CMYA5: variants seen among roughly 807,000 people sequenced by gnomAD.
The protein encoded by CMYA5 is cardiomyopathy-associated protein 5.
A neutral mutation model predicts 318.9 loss-of-function variants in CMYA5; 246 were observed. The observed-to-expected ratio is 0.77, with a 90% CI of 0.70 to 0.86. The LOEUF (loss-of-function observed/expected upper bound fraction) is 0.86. Ranked by LOEUF, CMYA5 falls within the 40% of genes least tolerant of loss-of-function variation. The pLI is 0.00. For missense variants in CMYA5, 4,589 were observed against 4,678.2 expected, an observed-to-expected ratio of 0.98 and a Z score of 0.56; for synonymous variants, 1,641 against 1,729.5, an observed-to-expected ratio of 0.95 and a Z score of 1.27.
At position 79,799,032 on chromosome 5, in the gene CMYA5, A is replaced by C. The variant is rs56119263; in HGVS notation, c.11964-338A>C. 8.2e-3 allele frequency among the ~76,000 whole-genome samples: 1,245 copies of C among 152,346 alleles called. 9 individuals are homozygous for C. The highest frequency in any genetic ancestry group is 0.016 in the Admixed American group (238 of 15,304). On this transcript the variant is annotated intron_variant, in intron 12 of 12. Coordinates refer to ENST00000446378, the MANE Select transcript of CMYA5 (RefSeq NM_153610.5). The stretch of plus-strand genomic sequence containing the variant: ...GCAGCCTCAAAGGAGTTTTATTCAA[A>C]AGAATGACACGCCATGAATGCGGTA...
At chr5:79,769,483 G>T (rs936390462) in intron 9 of CMYA5, among the ~76,000 whole-genome samples, 3 of 152,232 alleles carry the variant, frequency 2.0e-5, no homozygotes, top group African/African-American at 7.2e-5. Flanking sequence ...TGGGGTTTCT[G>T]TGTGGACGTC....
At chr5:79,747,236 T>G (rs1828347440) in intron 5 of CMYA5, 123 bp downstream of exon 5, 1 of 882,878 alleles carries the variant, frequency 1.1e-6, no homozygotes, top group Non-Finnish European at 1.7e-6. Context: ...GCTACAGTAT[T>G]TTCACTTTTA....
rs571180385 is a variant in CMYA5 at position 79,741,718 on chromosome 5, A to G, written c.10639-2109A>G. On this transcript the variant is annotated intron_variant, in intron 2 of 12. Transcript: ENST00000446378. The stretch of plus-strand genomic sequence containing the variant: ...AGCACTGCCAGCAGAAAGAAGACTG[A>G]ATTTTTTTGGTCTTCTTAATATGTT... 3.3e-5 allele frequency among the ~76,000 whole-genome samples: 5 copies of G among 152,140 alleles called. No homozygotes were observed. The East Asian group carries it at 9.7e-4, about 30-fold the overall frequency.
At position 79,730,719 on chromosome 5, in the gene CMYA5, T is replaced by G. The variant is rs771985337; in HGVS notation, c.1954T>G (p.Ser652Ala). 124 of 1,613,634 alleles carry G rather than the reference T, an allele frequency of 7.7e-5. No individual in the cohort carries two copies. The highest frequency in any genetic ancestry group is 1.1e-4 in the East Asian group (5 of 44,868). The change falls in exon 2 of 13, where the codon TCT (serine) becomes GCT (alanine). Residue 652 changes from serine (S) to alanine (A), a missense_variant. Physicochemically the swap from Ser to Ala is moderately conservative, Grantham distance 99. Transcript: ENST00000446378. ...AGCTGCAGCCCCTACATCTGAGAGC[T>G]CTCTCTCACCATCCACAACTGAGAA... ...SPAAAPTSES[S>A]LSPSTTEKTS...
chr5:79,733,033 G>A lies in CMYA5; in HGVS notation c.4268G>A (p.Gly1423Asp), dbSNP rs1187048701. Residue 1423 changes from glycine (G) to aspartate (D), a missense_variant, in exon 2 of 13, where the codon GGT (glycine) becomes GAT (aspartate). This residue lies in a region of CMYA5 where 2,132 missense variants were observed against 2,131.3 expected (regional missense o/e 1.00). Transcript: ENST00000446378. ...GAAGAAGACAAGGTGGCAATTAAAG[G>A]TGCTTCTCCCATTGAAACTTCATCC... ...LAEEDKVAIK[G>D]ASPIETSSKH... is the part of the protein sequence containing the mutation. 1.9e-6 allele frequency: 3 copies of A among 1,613,344 alleles called. No individual in the cohort carries two copies. The highest frequency in any genetic ancestry group is 2.5e-6 in the Non-Finnish European group (3 of 1,179,628).
rs1828045956 is a variant in CMYA5 at position 79,735,719 on chromosome 5, A to G, written c.6954A>G (p.Gln2318=). 3.1e-6 allele frequency: 5 copies of G among 1,598,688 alleles called. No homozygotes were observed. The highest frequency in any genetic ancestry group is 2.2e-5 in the East Asian group (1 of 44,832). Residue 2318 remains glutamine, a synonymous_variant, in exon 2 of 13, where the codon CAA becomes CAG. Coordinates refer to ENST00000446378, the MANE Select transcript of CMYA5 (RefSeq NM_153610.5). ...TSADGENLEI[Q]SYSLIGEKLV... is the part of the protein sequence containing the mutation. Reference sequence around the variant, plus strand: ...CTGATGGTGAGAACCTTGAAATTCAATCTTATTCACTAATCGGTGAGAAAT... The same window carrying G: ...CTGATGGTGAGAACCTTGAAATTCAGTCTTATTCACTAATCGGTGAGAAAT...
At chr5:79,772,184 C>T (rs187118398) in intron 9 of CMYA5, among the ~76,000 whole-genome samples, 2 of 152,168 alleles carry the variant, frequency 1.3e-5, no homozygotes, top group African/African-American at 4.8e-5. Flanking sequence ...AAACATAAGG[C>T]TTGTCATTAG....
At chr5:79,705,642 A>G (rs1351305081) in intron 1 of CMYA5, among the ~76,000 whole-genome samples, 2 of 152,208 alleles carry the variant, frequency 1.3e-5, no homozygotes, top group African/African-American at 2.4e-5. Context: ...AAAGGTCTAT[A>G]TTGACCTAAC....
At chr5:79,785,018 CTT>C (rs75314718) in intron 9 of CMYA5, among the ~76,000 whole-genome samples, 21 of 141,660 alleles carry the variant, frequency 1.5e-4, no homozygotes, top group Non-Finnish European at 1.6e-4. Flanking sequence ...GGAAATCCTA[CTT>C]TTTTTTTTTT....
chr5:79,722,439 G>C (rs755372151), intron 1 of CMYA5, among the ~76,000 whole-genome samples: 3 of 152,098 alleles, frequency 2.0e-5, no homozygotes, highest in Non-Finnish European at 4.4e-5. Flanking sequence ...CACTTTGGGA[G>C]ACTGAGCTGG....
Position 79,709,740 on chromosome 5 carries a change from T to C in CMYA5, c.150-19175T>C, listed in dbSNP as rs181024381. ...TGGGAGGCCAAGGTGGGCCGATTAC[T>C]TGAGGTCAGGAGTTTGAGACCAGCC... On this transcript the variant is annotated intron_variant, in intron 1 of 12. Coordinates refer to ENST00000446378, the MANE Select transcript of CMYA5 (RefSeq NM_153610.5). Among the ~76,000 whole-genome samples, 55 of 151,822 alleles carry C rather than the reference T, an allele frequency of 3.6e-4. 1 individual carries two copies. The East Asian group carries it at 4.1e-3, about 11-fold the overall frequency.
intron 1 of CMYA5, among the ~76,000 whole-genome samples, chr5:79,711,723 T>G (rs1468572786): frequency 1.3e-5 from 2 of 152,170 alleles, no homozygotes; most frequent in East Asian, 3.9e-4. Context: ...AAACACAAAG[T>G]TAATGGCGCT....
intron 1 of CMYA5, among the ~76,000 whole-genome samples, chr5:79,720,822 TC>T (rs201293749): frequency 0.017 from 2,527 of 152,070 alleles, 40 homozygotes; most frequent in Admixed American, 0.046. Flanking sequence ...GAAGAGCTTG[TC>T]CCCAGAAGAT....
intron 5 of CMYA5, among the ~76,000 whole-genome samples, chr5:79,747,824 G>A (rs1401785953): frequency 6.6e-6 from 1 of 152,062 alleles, no homozygotes; most frequent in Non-Finnish European, 1.5e-5. Flanking sequence ...TGAGCCTAAT[G>A]TTTTCTCCTT....
intron 1 of CMYA5, among the ~76,000 whole-genome samples, chr5:79,697,468 G>A (rs1827089486): frequency 6.6e-6 from 1 of 152,260 alleles, no homozygotes; most frequent in African/African-American, 2.4e-5. Flanking sequence ...CTTCTGATGA[G>A]TGAACAGAGG....
chr5:79,706,725 G>A (rs866876028), intron 1 of CMYA5, among the ~76,000 whole-genome samples: 40 of 145,908 alleles, frequency 2.7e-4, no homozygotes, highest in African/African-American at 1.0e-3. Flanking sequence ...GGCTCTCTGT[G>A]GGGGGAAGCA....
Position 79,719,147 on chromosome 5 carries a change from T to C in CMYA5, c.150-9768T>C, listed in dbSNP as rs1274331783. Reference sequence around the variant, plus strand: ...AGAGAATCAATTCAAAACAAAGATATTGATGAAGAAATGTGGGAAACTATT... The same window carrying C: ...AGAGAATCAATTCAAAACAAAGATACTGATGAAGAAATGTGGGAAACTATT... On this transcript the variant is annotated intron_variant, in intron 1 of 12. Coordinates refer to ENST00000446378, the MANE Select transcript of CMYA5 (RefSeq NM_153610.5). 3.6e-4 allele frequency among the ~76,000 whole-genome samples: 55 copies of C among 152,146 alleles called. 1 individual carries two copies.
In CMYA5 at chr5:79,709,651, T is replaced by C. The variant is rs571677319; in HGVS notation, c.150-19264T>C. ...TTAAAAAAACGACTACTTTTTAAGT[T>C]TTGGTGTGGTATAAAGAAAATATCA... On this transcript the variant is annotated intron_variant, in intron 1 of 12. Coordinates refer to ENST00000446378, the MANE Select transcript of CMYA5 (RefSeq NM_153610.5). Among the ~76,000 whole-genome samples, 3 of 151,522 alleles carry C rather than the reference T, an allele frequency of 2.0e-5. No individual in the cohort carries two copies. In the South Asian group the frequency reaches 6.2e-4, roughly 31 times the overall value.
At chr5:79,700,691 T>C (rs1408192346) in intron 1 of CMYA5, among the ~76,000 whole-genome samples, 1 of 151,818 alleles carries the variant, frequency 6.6e-6, no homozygotes, top group African/African-American at 2.4e-5. Flanking sequence ...ATAAGGAAAA[T>C]GGGATATATA....
Sources: allele counts gnomAD v4.1 joint callset (sites outside exome capture counted in the v4.1 genomes callset), GRCh38; gene constraint gnomAD v4.1.1; regional missense constraint gnomAD v4.1.1; transcripts MANE v1.5; gene names NCBI Gene and HGNC (gene_info 2026-07-23, HGNC 2026-07-21).